The following MAD1L1 variants were observed in gnomAD, a reference collection of about 807,000 sequenced individuals.
MAD1L1 encodes the protein mitotic arrest deficient 1 like 1.
Under a neutral mutation model 96.9 loss-of-function variants are expected in MAD1L1, and 95 were observed. The ratio of observed to expected loss-of-function variants is 0.98; its 90% confidence interval spans 0.83 to 1.16. The LOEUF (loss-of-function observed/expected upper bound fraction) is 1.16, where lower values mean the gene tolerates loss of function less well. Among genes scored for constraint, MAD1L1 ranks in the 50% most tolerant of loss-of-function variants. The pLI, the probability that MAD1L1 is intolerant of heterozygous loss-of-function variation, is 0.00. For synonymous variants in MAD1L1, 473 were observed against 396.6 expected (o/e 1.19, Z -2.29); for missense variants, 1,007 against 954.4 (o/e 1.06, Z -0.73).
intron 12 of MAD1L1, among the ~76,000 whole-genome samples, chr7:2,044,627 G>T (rs1783839516): frequency 6.6e-6 from 1 of 152,146 alleles, no homozygotes; most frequent in African/African-American, 2.4e-5. Context: ...GAAGTCCCCA[G>T]GCGATCGACC....
chr7:2,201,323 C>T (rs1230917101), intron 10 of MAD1L1, among the ~76,000 whole-genome samples: 1 of 152,144 alleles, frequency 6.6e-6, no homozygotes. Flanking sequence ...TCCTACCAGC[C>T]CTGTCACAAA....
chr7:2,183,619 G>A (rs1584498945), intron 10 of MAD1L1, among the ~76,000 whole-genome samples: 1 of 152,114 alleles, frequency 6.6e-6, no homozygotes, highest in Admixed American at 6.5e-5. Flanking sequence ...GGATGAAGCT[G>A]GAGACTATCA....
rs548871256 is a variant in MAD1L1 at position 1,820,660 on chromosome 7, G to A, written c.1999-4432C>T. Among the ~76,000 whole-genome samples, 11 of 152,150 alleles carry A rather than the reference G, an allele frequency of 7.2e-5. No individual in the cohort carries two copies. The East Asian group carries it at 7.7e-4, about 11-fold the overall frequency. On this transcript the variant is annotated intron_variant, in intron 18 of 18. Transcript: ENST00000265854. ...TGTAGCCCCAGGTATGTGGGATCAC[G>A]TGGGCCTAGGAGTTTGAGGCTGTAG...
intron 3 of MAD1L1, among the ~76,000 whole-genome samples, chr7:2,226,578 C>A (rs569064866): frequency 4.6e-5 from 7 of 152,366 alleles, no homozygotes; most frequent in African/African-American, 1.4e-4. Context: ...ACCTGCTCAG[C>A]TGGAGGAAAA....
At chr7:1,894,355 G>A (rs1562498442) in intron 18 of MAD1L1, among the ~76,000 whole-genome samples, 1 of 152,228 alleles carries the variant, frequency 6.6e-6, no homozygotes. Flanking sequence ...AGGCCCTCCA[G>A]AAGGTCTGCA....
At chr7:1,879,815 C>T (rs1785584411) in intron 18 of MAD1L1, among the ~76,000 whole-genome samples, 1 of 152,138 alleles carries the variant, frequency 6.6e-6, no homozygotes, top group African/African-American at 2.4e-5. Flanking sequence ...ACTGCAAGCT[C>T]CTCCTCCCGG....
intron 12 of MAD1L1, among the ~76,000 whole-genome samples, chr7:2,030,617 G>A (rs1025202406): frequency 1.3e-5 from 2 of 152,200 alleles, no homozygotes; most frequent in African/African-American, 2.4e-5. Flanking sequence ...GCCCATCTGC[G>A]CTTGACGAAA....
intron 10 of MAD1L1, among the ~76,000 whole-genome samples, chr7:2,192,893 G>GAATA (rs766253461): frequency 6.6e-6 from 1 of 152,112 alleles, no homozygotes; most frequent in Non-Finnish European, 1.5e-5. Flanking sequence ...TTTTAACAAG[G>GAATA]ATATTAAGTC....
At chr7:1,980,301 T>G (rs1177530700) in intron 15 of MAD1L1, 152 bp downstream of exon 15, 3 of 613,994 alleles carry the variant, frequency 4.9e-6, no homozygotes, top group Non-Finnish European at 8.4e-6. Context: ...CGCCTCTTCC[T>G]CCGTGGGACA....
At chr7:2,189,590 T>C (rs1346383131) in intron 10 of MAD1L1, among the ~76,000 whole-genome samples, 2 of 152,132 alleles carry the variant, frequency 1.3e-5, no homozygotes, top group Non-Finnish European at 2.9e-5. Flanking sequence ...GTCCCTACTG[T>C]AGTAAAAAAT....
At chr7:1,918,628 CCTTTA>C (rs1472781599) in intron 17 of MAD1L1, among the ~76,000 whole-genome samples, 4 of 152,224 alleles carry the variant, frequency 2.6e-5, no homozygotes, top group Non-Finnish European at 5.9e-5. Flanking sequence ...TCCCATGATT[CCTTTA>C]CAACTCTAAT....
intron 10 of MAD1L1, among the ~76,000 whole-genome samples, chr7:2,186,954 C>T (rs1202530221): frequency 2.0e-5 from 3 of 151,888 alleles, no homozygotes; most frequent in Non-Finnish European, 4.4e-5. Context: ...CCACCACGCC[C>T]GGCGAATTTT....
chr7:1,968,525 G>GTCAATGCCAGCGGTCATGTCCACCA lies in MAD1L1; in HGVS notation c.1506-10831_1506-10807dup, dbSNP rs1780271516. Among the ~76,000 whole-genome samples, 2 of 148,508 alleles carry GTCAATGCCAGCGGTCATGTCCACCA rather than the reference G, an allele frequency of 1.3e-5. No homozygotes were observed. Among genetic ancestry groups the GTCAATGCCAGCGGTCATGTCCACCA allele is most frequent in the Admixed American group, 6.7e-5 (1 of 14,904 alleles). On this transcript the variant is annotated intron_variant, in intron 15 of 18. Coordinates refer to ENST00000265854, the MANE Select transcript of MAD1L1 (RefSeq NM_001013836.2). This position sits in a 1 kb window ranked among gnomAD's most constrained non-coding sequence, Gnocchi z 5.6. ...CCTCAGTCCGGCGGTCAGGTCCACCGTCAATGCCAGCGGTCATGTCCACCA... is the reference window on the plus strand; with the variant it reads ...CCTCAGTCCGGCGGTCAGGTCCACCGTCAATGCCAGCGGTCATGTCCACCATCAATGCCAGCGGTCATGTCCACCA...
chr7:2,189,517 T>C (rs182896675), intron 10 of MAD1L1, among the ~76,000 whole-genome samples: 5 of 152,286 alleles, frequency 3.3e-5, no homozygotes, highest in Admixed American at 1.3e-4. Flanking sequence ...CCTGAGGACA[T>C]TATGTTAAGT....
chr7:1,866,535 G>A (rs1357193233), intron 18 of MAD1L1, among the ~76,000 whole-genome samples: 1 of 152,216 alleles, frequency 6.6e-6, no homozygotes, highest in Admixed American at 6.5e-5. Context: ...ACTGTGCTGA[G>A]GAGAGGTCTT....
chr7:2,144,460 C>G (rs1789194445), intron 11 of MAD1L1, among the ~76,000 whole-genome samples: 1 of 152,202 alleles, frequency 6.6e-6, no homozygotes, highest in Non-Finnish European at 1.5e-5. Context: ...CCGCCAAGAG[C>G]ATGGCCCCAC....
At chr7:2,072,655 A>G (rs561277679) in intron 11 of MAD1L1, among the ~76,000 whole-genome samples, 2 of 152,334 alleles carry the variant, frequency 1.3e-5, no homozygotes, top group Admixed American at 1.3e-4. Flanking sequence ...AACTAGAAGA[A>G]CGCCACCATT....
At chr7:2,102,290 C>T (rs1372977266) in intron 11 of MAD1L1, among the ~76,000 whole-genome samples, 5 of 77,612 alleles carry the variant, frequency 6.4e-5, no homozygotes, top group South Asian at 4.7e-4. Context: ...CCACCACCGC[C>T]ACTGTCACCA....
At chr7:2,115,292 G>C (rs544923941) in intron 11 of MAD1L1, among the ~76,000 whole-genome samples, 2 of 148,260 alleles carry the variant, frequency 1.3e-5, no homozygotes, top group African/African-American at 2.5e-5. Context: ...GGGTCCCCGC[G>C]TGTTCCGGGG....
Sources: allele counts gnomAD v4.1 joint callset (sites outside exome capture counted in the v4.1 genomes callset), GRCh38; gene constraint gnomAD v4.1.1; non-coding constraint Gnocchi (gnomAD v3.1); transcripts MANE v1.5; gene names NCBI Gene and HGNC (gene_info 2026-07-23, HGNC 2026-07-21).